Variants in SCP2 observed in about 807,000 individuals in gnomAD.
SCP2 encodes the protein sterol carrier protein 2.
SCP2 carries 48 observed loss-of-function variants against 71.4 expected under a neutral mutation model. That is an observed-to-expected ratio of 0.67 (90% CI 0.53 to 0.86). The LOEUF is 0.86. SCP2 is among the 40% of genes least tolerant of loss of function. The pLI, the probability that SCP2 is intolerant of heterozygous loss-of-function variation, is 0.00. For synonymous variants in SCP2, 220 were observed against 218.1 expected (o/e 1.01, Z -0.08); for missense variants, 560 against 655.6 (o/e 0.85, Z 1.59).
At position 53,050,896 on chromosome 1, in the gene SCP2, T is replaced by A. The variant is rs1664160172; in HGVS notation, c.*192T>A. 1.8e-6 allele frequency: 1 copy of A among 541,540 alleles called. No homozygotes were observed. Among genetic ancestry groups the A allele is most frequent in the Non-Finnish European group, 3.3e-6 (1 of 300,764 alleles). 33.5% of individuals were successfully genotyped at this position (541,540 alleles called of 1,614,324 possible). A position where few individuals can be genotyped will look rare whatever the true frequency, so the allele number is the denominator to read the frequency against. ...ATAGAGCCTGATGGTATACTACTGC[T>A]TTGCGGAATTGCATACAACTGTGCA... is the stretch of plus-strand genomic sequence containing the variant. On this transcript the variant is annotated 3_prime_UTR_variant, in exon 16 of 16. Coordinates refer to ENST00000371514, the MANE Select transcript of SCP2 (RefSeq NM_002979.5).
At chr1:53,034,091 C>T (rs1246165470) in intron 13 of SCP2, among the ~76,000 whole-genome samples, 1 of 152,040 alleles carries the variant, frequency 6.6e-6, no homozygotes, top group Non-Finnish European at 1.5e-5. Context: ...TGGTAAAACC[C>T]CATCTCTACT....
intron 12 of SCP2, among the ~76,000 whole-genome samples, chr1:53,027,034 GC>G (rs1409139758): frequency 1.3e-5 from 2 of 151,068 alleles, no homozygotes; most frequent in African/African-American, 2.4e-5. Context: ...TATCTCCCAG[GC>G]TCAGGTGATC....
rs760359893 is a variant in SCP2, at chr1:52,980,624, A to T, written c.973+81A>T. 254 of 1,348,532 alleles carry T rather than the reference A, an allele frequency of 1.9e-4. 1 individual carries two copies. The highest frequency in any genetic ancestry group is 2.5e-4 in the Non-Finnish European group (231 of 940,530). 83.5% of individuals were successfully genotyped at this position (1,348,532 alleles called of 1,614,324 possible). A position where few individuals can be genotyped will look rare whatever the true frequency, so the allele number is the denominator to read the frequency against. ...CTTTGACCGTTAGATAAAAGAATTC[A>T]CTATTCACTTTTCCCTTAACGTTGG... On this transcript the variant is annotated intron_variant, in intron 10 of 15. Transcript: ENST00000371514.
At chr1:52,987,647 A>T (rs112332423) in intron 10 of SCP2, among the ~76,000 whole-genome samples, 4 of 152,322 alleles carry the variant, frequency 2.6e-5, no homozygotes, top group African/African-American at 9.6e-5. Context: ...CTTATATAGT[A>T]TATAGCAGTA....
At position 52,993,905 on chromosome 1, in the gene SCP2, A is replaced by G. The variant is rs1659733314; in HGVS notation, c.1081+5769A>G. The G allele has an allele frequency of 2.8e-6, 4 of 1,423,394 alleles. No homozygotes were observed. In the South Asian group the frequency reaches 5.8e-5, roughly 21 times the overall value. The allele number at this position is 1,423,394 out of a possible 1,614,324, so 88.2% of individuals were successfully genotyped here. On this transcript the variant is annotated intron_variant, in intron 11 of 15. Coordinates refer to ENST00000371514, the MANE Select transcript of SCP2 (RefSeq NM_002979.5). ...TATGTTTTGGAGAGGACACCACTGC[A>G]AATCTTCAGCCCTATACTAGCTTTT...
At chr1:52,982,098 T>C (rs1658553712) in intron 10 of SCP2, among the ~76,000 whole-genome samples, 2 of 152,212 alleles carry the variant, frequency 1.3e-5, no homozygotes, top group Non-Finnish European at 2.9e-5. Flanking sequence ...GCATGGTTTA[T>C]CAACCTTGGC....
chr1:53,026,777 C>T (rs980629923), intron 12 of SCP2, among the ~76,000 whole-genome samples: 4 of 152,090 alleles, frequency 2.6e-5, no homozygotes, highest in African/African-American at 9.7e-5. Context: ...CACTGCACCC[C>T]AGCCTGGGCG....
At chr1:52,956,974 A>G (rs1021282943) in intron 5 of SCP2, among the ~76,000 whole-genome samples, 22 of 143,290 alleles carry the variant, frequency 1.5e-4, no homozygotes, top group Non-Finnish European at 2.5e-4. Context: ...CAGTGGTGCA[A>G]TCTTGGCTCA....
intron 6 of SCP2, 96 bp downstream of exon 6, chr1:52,961,725 G>A: frequency 9.4e-7 from 1 of 1,068,158 alleles, no homozygotes; most frequent in Non-Finnish European, 1.4e-6. Context: ...GAGGATGCCA[G>A]GATATATAAG....
At chr1:52,980,987 A>G (rs757455311) in intron 10 of SCP2, among the ~76,000 whole-genome samples, 44 of 152,144 alleles carry the variant, frequency 2.9e-4, no homozygotes, top group Non-Finnish European at 5.1e-4. Context: ...GCTGGAGTGC[A>G]GTGGTGCAAT....
chr1:52,973,126 G>A (rs1258677930), intron 6 of SCP2, among the ~76,000 whole-genome samples: 1 of 152,188 alleles, frequency 6.6e-6, no homozygotes, highest in African/African-American at 2.4e-5. Flanking sequence ...CCAGAGCTGA[G>A]GTTAGAAGTT....
At chr1:53,013,305 G>T (rs1453030823) in intron 11 of SCP2, among the ~76,000 whole-genome samples, 1 of 151,380 alleles carries the variant, frequency 6.6e-6, no homozygotes, top group Non-Finnish European at 1.5e-5. Flanking sequence ...TTATTTTTAG[G>T]CCGGGTGCGG....
At chr1:53,030,605 C>G (rs527484177) in intron 13 of SCP2, among the ~76,000 whole-genome samples, 5 of 152,004 alleles carry the variant, frequency 3.3e-5, no homozygotes, top group Non-Finnish European at 7.4e-5. Context: ...TTAAAAAAAT[C>G]TCTGGGCTGG....
intron 8 of SCP2, 62 bp downstream of exon 8, chr1:52,976,831 C>A (rs1001494380): frequency 6.9e-6 from 6 of 874,538 alleles, no homozygotes; most frequent in Non-Finnish European, 9.8e-6. Context: ...CTGCCACCCC[C>A]CTGTGGTTAA....
chr1:53,029,153 A>G (rs17107652), intron 13 of SCP2, among the ~76,000 whole-genome samples: 5,708 of 152,272 alleles, frequency 0.037, 228 homozygotes, highest in East Asian at 0.21. Context: ...ATAGGTAATA[A>G]TCATACTAAG....
intron 1 of SCP2, among the ~76,000 whole-genome samples, chr1:52,939,795 G>A (rs1654054592): frequency 6.6e-6 from 1 of 151,970 alleles, no homozygotes; most frequent in South Asian, 2.1e-4. Context: ...TCAGCCTCCC[G>A]AGTAGCTGGG....
At chr1:52,933,746 G>C (rs566770596) in intron 1 of SCP2, among the ~76,000 whole-genome samples, 1 of 152,104 alleles carries the variant, frequency 6.6e-6, no homozygotes, top group African/African-American at 2.4e-5. Flanking sequence ...CTCAAAATAC[G>C]GTTTGTGGAG....
chr1:52,967,854 T>C (rs1657121974), intron 6 of SCP2, among the ~76,000 whole-genome samples: 1 of 152,152 alleles, frequency 6.6e-6, no homozygotes, highest in South Asian at 2.1e-4. Flanking sequence ...CTATAGATAA[T>C]CACAAGGAAC....
intron 11 of SCP2, among the ~76,000 whole-genome samples, chr1:53,002,011 C>T (rs565429033): frequency 1.3e-5 from 2 of 151,976 alleles, no homozygotes; most frequent in South Asian, 2.1e-4. Flanking sequence ...GGTGAAACCC[C>T]GTCTCTACTA....
Sources: gnomAD v4.1 joint callset for allele counts (sites outside exome capture counted in the v4.1 genomes callset) on GRCh38, gnomAD v4.1.1 for gene constraint, MANE v1.5 for transcripts, NCBI Gene and HGNC (gene_info 2026-07-23, HGNC 2026-07-21) for gene names.